GRIA1: variants seen among roughly 807,000 people sequenced by gnomAD.
The protein encoded by GRIA1 is glutamate ionotropic receptor AMPA type subunit 1.
Under a neutral mutation model 99.2 loss-of-function variants are expected in GRIA1, and 31 were observed. That is an observed-to-expected ratio of 0.31 (90% CI 0.23 to 0.42). GRIA1 has a LOEUF of 0.42. Ranked by LOEUF, GRIA1 falls within the 10% of genes least tolerant of loss-of-function variation. The pLI is 1.00. For missense variants in GRIA1, 782 were observed against 1,157.5 expected, an observed-to-expected ratio of 0.68 and a Z score of 4.71; for synonymous variants, 438 against 432.4, an observed-to-expected ratio of 1.01 and a Z score of -0.16.
At chr5:153,618,382 A>C (rs1766713010) in intron 2 of GRIA1, among the ~76,000 whole-genome samples, 1 of 152,234 alleles carries the variant, frequency 6.6e-6, no homozygotes, top group Non-Finnish European at 1.5e-5. Flanking sequence ...TGCACCCTGC[A>C]GGCAAATGCA....
At chr5:153,605,254 G>T (rs1765346456) in intron 2 of GRIA1, among the ~76,000 whole-genome samples, 1 of 151,980 alleles carries the variant, frequency 6.6e-6, no homozygotes, top group African/African-American at 2.4e-5. Context: ...TAAGCATCCA[G>T]TATGTATTTA....
intron 5 of GRIA1, among the ~76,000 whole-genome samples, chr5:153,673,378 A>G (rs1052072712): frequency 3.3e-5 from 5 of 152,186 alleles, no homozygotes; most frequent in Admixed American, 6.5e-5. Flanking sequence ...ATACTATCCC[A>G]GATTATACTA....
intron 2 of GRIA1, among the ~76,000 whole-genome samples, chr5:153,583,599 G>T (rs1763227663): frequency 6.6e-6 from 1 of 152,062 alleles, no homozygotes; most frequent in African/African-American, 2.4e-5. Flanking sequence ...CCCTACTCCA[G>T]TATGACCACA....
At chr5:153,495,385 T>C (rs1008307294) in intron 2 of GRIA1, among the ~76,000 whole-genome samples, 1 of 152,172 alleles carries the variant, frequency 6.6e-6, no homozygotes, top group African/African-American at 2.4e-5. Flanking sequence ...CAACAGATTA[T>C]ATAACTTGCC....
chr5:153,778,563 A>C lies in GRIA1; in HGVS notation c.2270+8148A>C, dbSNP rs151059847. Among the ~76,000 whole-genome samples, 597 of 152,152 alleles carry C rather than the reference A, an allele frequency of 3.9e-3. 1 individual carries two copies. Among genetic ancestry groups the C allele is most frequent in the Non-Finnish European group, 7.0e-3 (473 of 68,014 alleles). ...CAGACCTCTTCTCACCCATTAGGCA[A>C]GAATGCCCTCTCAAAGATGTAAGGA... On this transcript the variant is annotated intron_variant, in intron 13 of 15. Coordinates refer to ENST00000285900, the MANE Select transcript of GRIA1 (RefSeq NM_000827.4).
intron 2 of GRIA1, among the ~76,000 whole-genome samples, chr5:153,600,650 A>C (rs1764865486): frequency 6.6e-6 from 1 of 152,142 alleles, no homozygotes; most frequent in Non-Finnish European, 1.5e-5. Flanking sequence ...AAAGAGGAGA[A>C]GTGCCTGTCT....
At chr5:153,795,142 G>A (rs1765566814) in intron 14 of GRIA1, among the ~76,000 whole-genome samples, 1 of 152,172 alleles carries the variant, frequency 6.6e-6, no homozygotes, top group Non-Finnish European at 1.5e-5. Context: ...CACCAAGGCT[G>A]GGTGAGCAGC....
At chr5:153,563,746 C>A (rs1453584614) in intron 2 of GRIA1, among the ~76,000 whole-genome samples, 2 of 152,172 alleles carry the variant, frequency 1.3e-5, no homozygotes, top group Non-Finnish European at 2.9e-5. Flanking sequence ...ATACCTACTT[C>A]CCCCTTTCTG....
At chr5:153,587,908 A>G (rs767965391) in intron 2 of GRIA1, among the ~76,000 whole-genome samples, 4 of 152,198 alleles carry the variant, frequency 2.6e-5, no homozygotes, top group Non-Finnish European at 5.9e-5. Context: ...CCAAGGGGAG[A>G]AGGACATGGT....
intron 2 of GRIA1, among the ~76,000 whole-genome samples, chr5:153,499,613 CAAAAAAAAAA>C (rs70976100): frequency 1.4e-4 from 6 of 42,126 alleles, no homozygotes; most frequent in Non-Finnish European, 2.0e-4. Flanking sequence ...GAATTTGTCT[CAAAAAAAAAA>C]AAAAAAAAAA....
intron 2 of GRIA1, among the ~76,000 whole-genome samples, chr5:153,495,314 A>G (rs1207491028): frequency 6.6e-6 from 1 of 152,184 alleles, no homozygotes; most frequent in Non-Finnish European, 1.5e-5. Context: ...TTTAATCCTC[A>G]CAGGAGCTTT....
intron 11 of GRIA1, 32 bp downstream of exon 11, chr5:153,706,099 A>T (rs1758870003): frequency 2.3e-6 from 3 of 1,315,048 alleles, no homozygotes; most frequent in Non-Finnish European, 3.1e-6. Context: ...CCTTTGCCTA[A>T]TGCTATGGTT....
In GRIA1 at chr5:153,528,918, G is replaced by A. The variant is rs961824192; in HGVS notation, c.220+34853G>A. Among the ~76,000 whole-genome samples the A allele has an allele frequency of 3.9e-5, 6 of 152,202 alleles. 1 individual carries two copies. The highest frequency in any genetic ancestry group is 3.3e-4 in the Admixed American group (5 of 15,282). ...ATGCCTCCTCCCTTAATGTCTATGTGTCCTTGCATAGGTTGGTTACCAGAG... is the reference window on the plus strand; with the variant it reads ...ATGCCTCCTCCCTTAATGTCTATGTATCCTTGCATAGGTTGGTTACCAGAG... On this transcript the variant is annotated intron_variant, in intron 2 of 15. Coordinates refer to ENST00000285900, the MANE Select transcript of GRIA1 (RefSeq NM_000827.4).
At chr5:153,518,036 G>C (rs1756790618) in intron 2 of GRIA1, among the ~76,000 whole-genome samples, 1 of 152,158 alleles carries the variant, frequency 6.6e-6, no homozygotes. Flanking sequence ...CTTTGCACTG[G>C]CTGTTCCCTT....
chr5:153,598,109 T>C (rs1764582597), intron 2 of GRIA1, among the ~76,000 whole-genome samples: 1 of 152,002 alleles, frequency 6.6e-6, no homozygotes, highest in South Asian at 2.1e-4. Flanking sequence ...TGATTTTATA[T>C]GTATAATGAT....
chr5:153,509,309 G>A (rs1450993477), intron 2 of GRIA1, among the ~76,000 whole-genome samples: 1 of 152,192 alleles, frequency 6.6e-6, no homozygotes, highest in African/African-American at 2.4e-5. Flanking sequence ...AGGATTTAGT[G>A]AGAGAATGAA....
intron 2 of GRIA1, among the ~76,000 whole-genome samples, chr5:153,495,064 A>G (rs954997008): frequency 4.6e-5 from 7 of 152,200 alleles, no homozygotes. Flanking sequence ...TGAATAGGCT[A>G]TGCTTTGAAG....
intron 5 of GRIA1, among the ~76,000 whole-genome samples, chr5:153,664,536 C>T (rs369755130): frequency 3.3e-5 from 5 of 151,958 alleles, no homozygotes; most frequent in South Asian, 2.1e-4. Context: ...AGGCTTCATG[C>T]TTTTGCTGCA....
At chr5:153,780,386 C>T (rs943476022) in intron 13 of GRIA1, among the ~76,000 whole-genome samples, 2 of 152,148 alleles carry the variant, frequency 1.3e-5, no homozygotes, top group African/African-American at 4.8e-5. Flanking sequence ...GCAGTATCAC[C>T]CTGAAGTCAA....
Sources: gnomAD v4.1 joint callset for allele counts (sites outside exome capture counted in the v4.1 genomes callset) on GRCh38, gnomAD v4.1.1 for gene constraint, MANE v1.5 for transcripts, NCBI Gene and HGNC (gene_info 2026-07-23, HGNC 2026-07-21) for gene names.